The following SDC3 variants were observed in gnomAD, a reference collection of about 807,000 sequenced individuals.
The protein encoded by SDC3 is syndecan 3.
Under a neutral mutation model 24.4 loss-of-function variants are expected in SDC3, and 13 were observed. That is an observed-to-expected ratio of 0.53 (90% confidence interval 0.35 to 0.85). SDC3 has a LOEUF of 0.85. SDC3 is among the 40% of genes least tolerant of loss of function. The pLI is 0.01. For synonymous variants in SDC3, 295 were observed against 260.9 expected (o/e 1.13, Z -1.26); for missense variants, 571 against 584.5 (o/e 0.98, Z 0.24).
intron 1 of SDC3, among the ~76,000 whole-genome samples, chr1:30,894,419 G>T (rs1639964031): frequency 8.7e-6 from 1 of 114,392 alleles, no homozygotes; most frequent in Non-Finnish European, 1.8e-5. Flanking sequence ...TGTGTGTGGG[G>T]GTGAGTGTGT....
chr1:30,897,669 A>C (rs1638300062), intron 1 of SDC3, among the ~76,000 whole-genome samples: 2 of 152,188 alleles, frequency 1.3e-5, no homozygotes, highest in South Asian at 4.1e-4. Flanking sequence ...CGGCAGCATG[A>C]AGCAGTGCTT....
At chr1:30,889,424 T>TGA (rs1298396700) in intron 1 of SDC3, among the ~76,000 whole-genome samples, 1 of 152,122 alleles carries the variant, frequency 6.6e-6, no homozygotes, top group Non-Finnish European at 1.5e-5. Context: ...TTCCATCCTC[T>TGA]TTTCCTCCAT....
intron 1 of SDC3, among the ~76,000 whole-genome samples, chr1:30,893,878 C>T (rs1639944688): frequency 6.6e-6 from 1 of 152,280 alleles, no homozygotes; most frequent in South Asian, 2.1e-4. Flanking sequence ...ATAACTGCAT[C>T]TCCGAAGGAA....
intron 1 of SDC3, among the ~76,000 whole-genome samples, chr1:30,890,553 C>T (rs570345835): frequency 8.5e-5 from 13 of 152,244 alleles, no homozygotes; most frequent in East Asian, 7.7e-4. Flanking sequence ...GTGATAAAAA[C>T]GTTCTAAATT....
chr1:30,899,120 T>G (rs1638351169), intron 1 of SDC3, among the ~76,000 whole-genome samples: 1 of 152,198 alleles, frequency 6.6e-6, no homozygotes, highest in Non-Finnish European at 1.5e-5. Flanking sequence ...GGAGTCTCGC[T>G]CTGTTGCCCA....
chr1:30,892,122 C>T (rs1639915225), intron 1 of SDC3, among the ~76,000 whole-genome samples: 1 of 152,088 alleles, frequency 6.6e-6, no homozygotes, highest in Non-Finnish European at 1.5e-5. Context: ...CTCTCCCCCA[C>T]TGAGCTCAGA....
intron 1 of SDC3, among the ~76,000 whole-genome samples, chr1:30,885,541 T>A (rs1019131719): frequency 6.6e-6 from 1 of 152,150 alleles, no homozygotes; most frequent in Non-Finnish European, 1.5e-5. Flanking sequence ...AACTTCCGGG[T>A]CCCCTGGTTC....
intron 1 of SDC3, among the ~76,000 whole-genome samples, chr1:30,889,326 T>C (rs1639873345): frequency 6.6e-6 from 1 of 152,146 alleles, no homozygotes; most frequent in Non-Finnish European, 1.5e-5. Context: ...AGTTCCACCA[T>C]CTGCAAATGG....
intron 1 of SDC3, among the ~76,000 whole-genome samples, chr1:30,880,375 G>C (rs1639725254): frequency 6.7e-6 from 1 of 149,350 alleles, no homozygotes; most frequent in Admixed American, 6.7e-5. Flanking sequence ...CAGAGACGGG[G>C]AGGGTGGGCT....
chr1:30,879,931 C>T (rs1247201853), intron 1 of SDC3: 1 of 152,550 alleles, frequency 6.6e-6, no homozygotes, highest in Admixed American at 6.5e-5. Flanking sequence ...AATGACACAC[C>T]CCAGAGACAC....
Position 30,876,883 on chromosome 1 carries a change from G to A in SDC3, c.539C>T (p.Pro180Leu). The A allele has an allele frequency of 6.2e-7, 1 of 1,613,532 alleles. No homozygotes were observed. The highest frequency in any genetic ancestry group is 8.5e-7 in the Non-Finnish European group (1 of 1,179,698). ...GGGGGTGGCGGTGGCCACTGTGGCA[G>A]GCACTGTGGCCACAGTCGGGTCCCC... Reference protein sequence around the residue: ...STGDPTVATVPATVATATPST... With the variant: ...STGDPTVATVLATVATATPST... Residue 180 changes from proline (P) to leucine (L), a missense_variant, in exon 3 of 5, where the codon CCT becomes CTT. Around this residue, in one of 2 missense-constraint regions of SDC3, gnomAD observed 497 missense variants for 471.6 expected, o/e 1.05. Coordinates refer to ENST00000339394, the MANE Select transcript of SDC3 (RefSeq NM_014654.4).
In SDC3 at chr1:30,871,563, C is replaced by T. The variant is rs1345418354; in HGVS notation, c.*1648G>A. ...CAGCCATGGCCCCTGAAGCTGCAGCCAGAATTGTTTGGCCAAATAGGTGAG... is the reference window on the plus strand; with the variant it reads ...CAGCCATGGCCCCTGAAGCTGCAGCTAGAATTGTTTGGCCAAATAGGTGAG... On this transcript the variant is annotated 3_prime_UTR_variant, in exon 5 of 5. Coordinates refer to ENST00000339394, the MANE Select transcript of SDC3 (RefSeq NM_014654.4). 6.6e-6 allele frequency: 1 copy of T among 152,334 alleles called. No individual in the cohort carries two copies. Among genetic ancestry groups the T allele is most frequent in the Non-Finnish European group, 1.5e-5 (1 of 68,146 alleles). The allele number at this position is 152,334 out of a possible 1,614,324, so 9.4% of individuals were successfully genotyped here.
chr1:30,890,453 G>A (rs1639887878), intron 1 of SDC3, among the ~76,000 whole-genome samples: 1 of 152,198 alleles, frequency 6.6e-6, no homozygotes, highest in African/African-American at 2.4e-5. Flanking sequence ...AATCCATACA[G>A]ACAGAAAATA....
At chr1:30,875,753 C>T (rs907989088) in intron 3 of SDC3, among the ~76,000 whole-genome samples, 2 of 152,218 alleles carry the variant, frequency 1.3e-5, no homozygotes, top group African/African-American at 4.8e-5. Flanking sequence ...GACTGCCCGG[C>T]TCTGGCACCA....
intron 1 of SDC3, among the ~76,000 whole-genome samples, chr1:30,906,904 A>T (rs1294382501): frequency 5.9e-5 from 9 of 152,118 alleles, no homozygotes; most frequent in Non-Finnish European, 1.2e-4. Context: ...CTCTCACCCC[A>T]CTTAGGGGAG....
At chr1:30,902,348 G>C (rs1638429384) in intron 1 of SDC3, among the ~76,000 whole-genome samples, 11 of 152,216 alleles carry the variant, frequency 7.2e-5, no homozygotes, top group Admixed American at 7.2e-4. Context: ...TTGGCCAGTG[G>C]GGGAGGGGAG....
At chr1:30,894,630 AGT>A (rs1461760918) in intron 1 of SDC3, among the ~76,000 whole-genome samples, 2 of 25,904 alleles carry the variant, frequency 7.7e-5, no homozygotes, top group Admixed American at 8.3e-4. Context: ...TGTGGGTGAG[AGT>A]GTGTGGGTGT....
intron 1 of SDC3, among the ~76,000 whole-genome samples, chr1:30,896,786 A>G (rs1638268986): frequency 6.6e-6 from 1 of 151,728 alleles, no homozygotes; most frequent in Non-Finnish European, 1.5e-5. Flanking sequence ...ACATAGTAAA[A>G]CCCCGTTTAT....
rs1404802488 is a variant in SDC3, at chr1:30,871,899, C to T, written c.*1312G>A. On this transcript the variant is annotated 3_prime_UTR_variant, in exon 5 of 5. Coordinates refer to ENST00000339394, the MANE Select transcript of SDC3 (RefSeq NM_014654.4). ...AGCTAGTGGGGGTCTGGCCCCAAACCTCCCCCTCTGCCAGCTGCGGTGGGG... is the reference window on the plus strand; with the variant it reads ...AGCTAGTGGGGGTCTGGCCCCAAACTTCCCCCTCTGCCAGCTGCGGTGGGG... 2.0e-5 allele frequency: 3 copies of T among 152,340 alleles called. No individual in the cohort carries two copies. Among genetic ancestry groups the T allele is most frequent in the African/African-American group, 7.2e-5 (3 of 41,472 alleles). 9.4% of individuals were successfully genotyped at this position (152,340 alleles called of 1,614,324 possible).
Sources: allele counts gnomAD v4.1 joint callset (sites outside exome capture counted in the v4.1 genomes callset), GRCh38; gene constraint gnomAD v4.1.1; regional missense constraint gnomAD v4.1.1; transcripts MANE v1.5; gene names NCBI Gene and HGNC (gene_info 2026-07-23, HGNC 2026-07-21).